HRK: variants seen among roughly 807,000 people sequenced by gnomAD.
HRK encodes harakiri, BCL2 interacting protein.
A neutral mutation model predicts 5.9 loss-of-function variants in HRK; 6 were observed. The observed-to-expected ratio is 1.02, with a 90% CI of 0.56 to 2.01. The LOEUF is 2.01. HRK is among the 30% of genes most tolerant of loss of function. HRK has a pLI of 0.00. For missense variants in HRK, 133 were observed against 128.3 expected (o/e 1.04, Z -0.18); for synonymous variants, 85 against 65.1 (o/e 1.31, Z -1.47).
In HRK at chr12:116,860,322, GAAA is replaced by G. The variant is rs889123211; in HGVS notation, c.*1198_*1200del. 1 of 151,994 alleles carries G rather than the reference GAAA, an allele frequency of 6.6e-6. No homozygotes were observed. Among genetic ancestry groups the G allele is most frequent in the East Asian group, 1.9e-4 (1 of 5,190 alleles). The allele number at this position is 151,994 out of a possible 1,614,324, so 9.4% of individuals were successfully genotyped here. A position where few individuals can be genotyped will look rare whatever the true frequency, so the allele number is the denominator to read the frequency against. ...GAAAATAGTAGCTTATCCTTGGGGG[GAAA>G]AAAATCAGACCTCTGTCAATCAGTG... On this transcript the variant is annotated 3_prime_UTR_variant, in exon 2 of 2. Coordinates refer to ENST00000257572, the MANE Select transcript of HRK (RefSeq NM_003806.4).
intron 1 of HRK, among the ~76,000 whole-genome samples, chr12:116,871,361 G>A (rs913627546): frequency 7.3e-5 from 11 of 151,364 alleles, no homozygotes; most frequent in African/African-American, 2.7e-4. Flanking sequence ...GAAGTTCAGT[G>A]GCACGATCTC....
At chr12:116,876,148 A>G (rs1463407673) in intron 1 of HRK, among the ~76,000 whole-genome samples, 1 of 152,160 alleles carries the variant, frequency 6.6e-6, no homozygotes, top group Non-Finnish European at 1.5e-5. Flanking sequence ...TCCACAGCTC[A>G]GTCACTTGTA....
At chr12:116,865,506 A>C (rs939762379) in intron 1 of HRK, among the ~76,000 whole-genome samples, 1 of 152,212 alleles carries the variant, frequency 6.6e-6, no homozygotes, top group Non-Finnish European at 1.5e-5. Context: ...CATCCTGGGC[A>C]ACAGAGCCAG....
In HRK at chr12:116,856,311, CCTCA is replaced by C. The variant is rs1053850204; in HGVS notation, c.*5208_*5211del. The C allele has an allele frequency of 2.0e-5, 3 of 152,216 alleles. No homozygotes were observed. The highest frequency in any genetic ancestry group is 7.2e-5 in the African/African-American group (3 of 41,436). 9.4% of individuals were successfully genotyped at this position (152,216 alleles called of 1,614,324 possible). ...ATTGCCTCTCTGGCTAGGCCAGAGG[CCTCA>C]CTAAGGTTCTCCAGATACCCTCCCA... On this transcript the variant is annotated 3_prime_UTR_variant, in exon 2 of 2. Coordinates refer to ENST00000257572, the MANE Select transcript of HRK (RefSeq NM_003806.4). This position sits in a 1 kb window ranked among gnomAD's most constrained non-coding sequence, Gnocchi z 4.4.
At chr12:116,880,724 A>G (rs562088633) in intron 1 of HRK, among the ~76,000 whole-genome samples, 44 of 152,258 alleles carry the variant, frequency 2.9e-4, no homozygotes, top group Non-Finnish European at 5.4e-4. Context: ...CCACTGAGCT[A>G]TAAGTGAGTA....
chr12:116,880,755 C>T (rs1347425505), intron 1 of HRK, among the ~76,000 whole-genome samples: 1 of 152,002 alleles, frequency 6.6e-6, no homozygotes, highest in Non-Finnish European at 1.5e-5. Flanking sequence ...CTTAAGGACT[C>T]GCAGAGATGG....
At chr12:116,866,717 G>GC (rs749089072) in intron 1 of HRK, among the ~76,000 whole-genome samples, 88 of 152,282 alleles carry the variant, frequency 5.8e-4, no homozygotes, top group South Asian at 1.0e-3. Flanking sequence ...AGAGACCTGA[G>GC]CTCCTACCCA....
In HRK at chr12:116,881,139, G is replaced by C. The variant is rs1411903506; in HGVS notation, c.169C>G (p.Arg57Gly). 19 of 1,197,060 alleles carry C rather than the reference G, an allele frequency of 1.6e-5. No homozygotes were observed. The highest frequency in any genetic ancestry group is 1.9e-5 in the Non-Finnish European group (18 of 967,136). The allele number at this position is 1,197,060 out of a possible 1,614,324, so 74.2% of individuals were successfully genotyped here. Reference sequence around the variant, plus strand: ...AGCGCGCCGGGCGCCGGCGCCCTCCGGCTCCGCGCGCGGCGCCGCCACATG... The same window carrying C: ...AGCGCGCCGGGCGCCGGCGCCCTCCCGCTCCGCGCGCGGCGCCGCCACATG... ...RTMWRRRARS[R>G]RAPAPGALPT... Residue 57 changes from arginine to glycine, a missense_variant, in exon 1 of 2, where the codon CGG becomes GGG. Physicochemically the swap from Arg to Gly is moderately radical, Grantham distance 125 (BLOSUM62 -2). Coordinates refer to ENST00000257572, the MANE Select transcript of HRK (RefSeq NM_003806.4).
chr12:116,864,697 C>A (rs1052196629), intron 1 of HRK, among the ~76,000 whole-genome samples: 1 of 152,150 alleles, frequency 6.6e-6, no homozygotes, highest in African/African-American at 2.4e-5. Flanking sequence ...CTATGGCTCA[C>A]GCCTGTAATC....
rs1879149001 is a variant in HRK, at chr12:116,881,302, G to A, written c.6C>T (p.Cys2=). The A allele has an allele frequency of 1.9e-6, 2 of 1,067,718 alleles. No homozygotes were observed. Among genetic ancestry groups the A allele is most frequent in the Non-Finnish European group, 2.3e-6 (2 of 884,856 alleles). 66.1% of individuals were successfully genotyped at this position (1,067,718 alleles called of 1,614,324 possible). Residue 2 remains cysteine (C), a synonymous_variant, in exon 1 of 2, where the codon TGC becomes TGT. Transcript: ENST00000257572. ...CGCGGCCGCGGTGCAGGGGGCACGG[G>A]CACATGACCGCTGGCCTCGCTCCCG... The part of the protein sequence containing the change: M[C]PCPLHRGRGP...
chr12:116,874,901 G>A (rs115193648), intron 1 of HRK, among the ~76,000 whole-genome samples: 40 of 152,278 alleles, frequency 2.6e-4, no homozygotes, highest in African/African-American at 9.6e-4. Flanking sequence ...CAGCCATCCT[G>A]GAGCAGAGAC....
At chr12:116,876,848 C>G (rs904148849) in intron 1 of HRK, 1 of 152,380 alleles carries the variant, frequency 6.6e-6, no homozygotes, top group Non-Finnish European at 1.5e-5. Flanking sequence ...TGTGCACCAA[C>G]CCGGTCTGCT....
chr12:116,863,200 A>C (rs1217456084), intron 1 of HRK, among the ~76,000 whole-genome samples: 1 of 152,236 alleles, frequency 6.6e-6, no homozygotes, highest in African/African-American at 2.4e-5. Context: ...CTGGGTTTGA[A>C]AAAGTCTGAG....
At chr12:116,871,024 T>A (rs913664857) in intron 1 of HRK, among the ~76,000 whole-genome samples, 1 of 151,950 alleles carries the variant, frequency 6.6e-6, no homozygotes, top group African/African-American at 2.4e-5. Flanking sequence ...GTTCAAGCGA[T>A]TCTCTTGCCT....
At chr12:116,868,664 A>ACATT (rs1185999462) in intron 1 of HRK, among the ~76,000 whole-genome samples, 6 of 152,208 alleles carry the variant, frequency 3.9e-5, no homozygotes, top group Non-Finnish European at 8.8e-5. Flanking sequence ...GGCCTCCCCT[A>ACATT]CATTCATTCA....
Position 116,878,809 on chromosome 12 carries a change from G to C in HRK, c.*56+2167C>G, listed in dbSNP as rs1456033228. Among the ~76,000 whole-genome samples, 1 of 152,182 alleles carries C rather than the reference G, an allele frequency of 6.6e-6. No individual in the cohort carries two copies. Among genetic ancestry groups the C allele is most frequent in the East Asian group, 1.9e-4 (1 of 5,192 alleles). On this transcript the variant is annotated intron_variant, in intron 1 of 1. Coordinates refer to ENST00000257572, the MANE Select transcript of HRK (RefSeq NM_003806.4). This position sits in a 1 kb window ranked among gnomAD's most constrained non-coding sequence, Gnocchi z 4.4. The stretch of plus-strand genomic sequence containing the variant: ...AGAGGTGTGGGAAGAGGGTGTCTCC[G>C]AGTCAGGGCGCAGCACGGAAGTAAC...
intron 1 of HRK, among the ~76,000 whole-genome samples, chr12:116,874,300 A>G (rs1878858766): frequency 6.6e-6 from 1 of 152,036 alleles, no homozygotes; most frequent in Non-Finnish European, 1.5e-5. Context: ...GGGCCACTGG[A>G]CTTAGCTCTC....
chr12:116,864,598 G>T (rs2137244787), intron 1 of HRK, among the ~76,000 whole-genome samples: 1 of 152,270 alleles, frequency 6.6e-6, no homozygotes, highest in African/African-American at 2.4e-5. Flanking sequence ...GCCCAAACAA[G>T]ACCAAGGACA....
In HRK at chr12:116,857,022, G is replaced by A. The variant is rs1233811118; in HGVS notation, c.*4501C>T. ...ACCAGTCTGTTCATGCTGGAAATGA[G>A]TCGAGATTGCAGGCTTTTTAACTGC... On this transcript the variant is annotated 3_prime_UTR_variant, in exon 2 of 2. Transcript: ENST00000257572. The A allele has an allele frequency of 1.3e-5, 2 of 152,282 alleles. No individual in the cohort carries two copies. The highest frequency in any genetic ancestry group is 4.8e-5 in the African/African-American group (2 of 41,458). The allele number at this position is 152,282 out of a possible 1,614,324, so 9.4% of individuals were successfully genotyped here. A position where few individuals can be genotyped will look rare whatever the true frequency, so the allele number is the denominator to read the frequency against.
Sources: gnomAD v4.1 joint callset for allele counts (sites outside exome capture counted in the v4.1 genomes callset) on GRCh38, gnomAD v4.1.1 for gene constraint, Gnocchi (gnomAD v3.1) non-coding constraint, MANE v1.5 for transcripts, NCBI Gene and HGNC (gene_info 2026-07-23, HGNC 2026-07-21) for gene names.